Variants in DLG2 observed in about 807,000 individuals in gnomAD.
The protein encoded by DLG2 is discs large MAGUK scaffold protein 2.
In DLG2, 45 loss-of-function variants were observed where a neutral mutation model predicts 132.5. The observed-to-expected ratio is 0.34, with a 90% CI of 0.27 to 0.44. DLG2 has a LOEUF of 0.44. Among genes scored for constraint, DLG2 ranks in the 20% least tolerant of loss-of-function variants. The pLI is 1.00. For missense variants in DLG2, 1,045 were observed against 1,196.9 expected (o/e 0.87, Z 1.87); for synonymous variants, 424 against 419.6 (o/e 1.01, Z -0.13).
chr11:83,695,609 G>T (rs2081769302), intron 18 of DLG2, among the ~76,000 whole-genome samples: 1 of 152,072 alleles, frequency 6.6e-6, no homozygotes, highest in Admixed American at 6.5e-5. Context: ...CATGGTGGTG[G>T]GTGCCTGTAA....
chr11:84,614,203 A>G (rs1411531163), intron 6 of DLG2, among the ~76,000 whole-genome samples: 1 of 152,212 alleles, frequency 6.6e-6, no homozygotes, highest in African/African-American at 2.4e-5. Flanking sequence ...GTAGAAGCAA[A>G]CTATAAACCA....
Position 83,459,781 on chromosome 11 carries a change from A to G in DLG2, c.*37T>C. The G allele has an allele frequency of 1.8e-6, 2 of 1,113,438 alleles. No homozygotes were observed. Among genetic ancestry groups the G allele is most frequent in the South Asian group, 2.5e-5 (2 of 80,470 alleles). The allele number at this position is 1,113,438 out of a possible 1,614,324, so 69.0% of individuals were successfully genotyped here. On this transcript the variant is annotated 3_prime_UTR_variant, in exon 28 of 28. Coordinates refer to ENST00000376104, the MANE Select transcript of DLG2 (RefSeq NM_001142699.3). ...TGTTATATATATTTTGTTCTTCTAAATGCTCTTCTGTCGTTGTCAGAGGCG... is the reference window on the plus strand; with the variant it reads ...TGTTATATATATTTTGTTCTTCTAAGTGCTCTTCTGTCGTTGTCAGAGGCG...
intron 18 of DLG2, among the ~76,000 whole-genome samples, chr11:83,711,932 C>T (rs633338): frequency 0.42 from 63,435 of 151,908 alleles, 14,221 homozygotes; most frequent in African/African-American, 0.58. Flanking sequence ...AAAACCACAA[C>T]GAGATACTAT....
rs369214956 is a variant in DLG2, at chr11:85,179,546, T to C, written c.187-24895A>G. Among the ~76,000 whole-genome samples, 4 of 151,726 alleles carry C rather than the reference T, an allele frequency of 2.6e-5. No individual in the cohort carries two copies. The East Asian group carries it at 7.7e-4, about 29-fold the overall frequency. On this transcript the variant is annotated intron_variant, in intron 4 of 27. Transcript: ENST00000376104. ...AGAATAATATATAGATTATTATGTA[T>C]GCCAAAAAGATAACCAATTAAAGAA... is the stretch of plus-strand genomic sequence containing the variant.
chr11:84,601,659 C>T (rs2099576759), intron 6 of DLG2, among the ~76,000 whole-genome samples: 1 of 151,944 alleles, frequency 6.6e-6, no homozygotes, highest in Non-Finnish European at 1.5e-5. Flanking sequence ...AAAATAATTA[C>T]ACGTGATGAT....
chr11:84,644,824 T>C (rs1399013472), intron 6 of DLG2, among the ~76,000 whole-genome samples: 2 of 152,080 alleles, frequency 1.3e-5, no homozygotes, highest in East Asian at 3.9e-4. Flanking sequence ...ATGAGGGTTC[T>C]GTGGGTGCCT....
At chr11:85,593,143 A>C (rs1023840015) in intron 3 of DLG2, among the ~76,000 whole-genome samples, 2 of 152,306 alleles carry the variant, frequency 1.3e-5, no homozygotes, top group Admixed American at 1.3e-4. Flanking sequence ...CAAAGTACTC[A>C]AGATATGTCC....
In DLG2 at chr11:83,532,742, A is replaced by G; in HGVS notation, c.2159T>C (p.Phe720Ser). 6.2e-7 allele frequency: 1 copy of G among 1,613,022 alleles called. No individual in the cohort carries two copies. Among genetic ancestry groups the G allele is most frequent in the Non-Finnish European group, 8.5e-7 (1 of 1,179,374 alleles). The change falls in exon 21 of 28, where the codon TTT becomes TCT. Residue 720 changes from phenylalanine to serine, a missense_variant. Physicochemically the swap from Phe to Ser is radical, Grantham distance 155. Coordinates refer to ENST00000376104, the MANE Select transcript of DLG2 (RefSeq NM_001142699.3). ...KERARLKTVK[F>S]NAKPGVIDSK... ...ATCAATCACTCCAGGTTTGGCATTA[A>G]ACTTCACTGTCTTCAATCGGGCACG...
At chr11:83,867,578 A>G (rs757613063) in intron 16 of DLG2, among the ~76,000 whole-genome samples, 1 of 152,146 alleles carries the variant, frequency 6.6e-6, no homozygotes, top group Non-Finnish European at 1.5e-5. Flanking sequence ...ACAAGTATTT[A>G]CCTAGAAAAT....
intron 3 of DLG2, among the ~76,000 whole-genome samples, chr11:85,340,965 T>A (rs907635048): frequency 6.6e-6 from 1 of 152,236 alleles, no homozygotes; most frequent in African/African-American, 2.4e-5. Flanking sequence ...TCTAATTTTA[T>A]CTTTTTCAAA....
chr11:84,256,259 T>C lies in DLG2; in HGVS notation c.520-4968A>G, dbSNP rs1415967509. Among the ~76,000 whole-genome samples the C allele has an allele frequency of 2.6e-5, 4 of 152,286 alleles. No individual in the cohort carries two copies. The East Asian group carries it at 7.7e-4, about 29-fold the overall frequency. ...TTTGATATGTGTTAAGTGTCAGATA[T>C]GGGAAATGCCTCTGACATATGTGGA... On this transcript the variant is annotated intron_variant, in intron 7 of 27. Coordinates refer to ENST00000376104, the MANE Select transcript of DLG2 (RefSeq NM_001142699.3).
intron 6 of DLG2, among the ~76,000 whole-genome samples, chr11:85,093,427 G>A (rs2069170089): frequency 6.6e-6 from 1 of 151,974 alleles, no homozygotes; most frequent in Non-Finnish European, 1.5e-5. Flanking sequence ...AATCTCCTCT[G>A]GAAATATCCT....
intron 11 of DLG2, among the ~76,000 whole-genome samples, chr11:84,030,177 T>G (rs908292381): frequency 9.2e-5 from 14 of 152,140 alleles, no homozygotes; most frequent in African/African-American, 3.4e-4. Context: ...TAACTTAACT[T>G]TTCTGGGACC....
At chr11:85,509,125 C>T (rs1173601556) in intron 3 of DLG2, among the ~76,000 whole-genome samples, 2 of 151,970 alleles carry the variant, frequency 1.3e-5, no homozygotes, top group African/African-American at 4.8e-5. Context: ...CAGAAAATTT[C>T]GCAGTGAGTT....
At chr11:84,155,198 C>T (rs1275176939) in intron 9 of DLG2, among the ~76,000 whole-genome samples, 4 of 152,052 alleles carry the variant, frequency 2.6e-5, no homozygotes, top group Non-Finnish European at 5.9e-5. Flanking sequence ...AGGGTTGAGG[C>T]TCTTCATTTG....
intron 3 of DLG2, among the ~76,000 whole-genome samples, chr11:85,486,996 C>T (rs1279661229): frequency 1.4e-5 from 2 of 146,428 alleles, no homozygotes; most frequent in Admixed American, 6.8e-5. Flanking sequence ...TAATCATACC[C>T]TAAACCACCG....
intron 19 of DLG2, among the ~76,000 whole-genome samples, chr11:83,625,859 G>A (rs987251458): frequency 6.6e-6 from 1 of 152,178 alleles, no homozygotes; most frequent in East Asian, 1.9e-4. Context: ...GCATCCTGAG[G>A]ATGCAACCAG....
At chr11:85,444,104 A>G (rs1433840368) in intron 3 of DLG2, among the ~76,000 whole-genome samples, 3 of 152,238 alleles carry the variant, frequency 2.0e-5, no homozygotes, top group Admixed American at 6.5e-5. Flanking sequence ...TCTATGTTCA[A>G]TAATTTTACT....
At chr11:84,991,377 C>T (rs964388485) in intron 6 of DLG2, among the ~76,000 whole-genome samples, 1 of 151,776 alleles carries the variant, frequency 6.6e-6, no homozygotes, top group Non-Finnish European at 1.5e-5. Context: ...AGCAGGGTGG[C>T]ACTCGCCTCT....
Sources: gnomAD v4.1 joint callset for allele counts (sites outside exome capture counted in the v4.1 genomes callset) on GRCh38, gnomAD v4.1.1 for gene constraint, MANE v1.5 for transcripts, NCBI Gene and HGNC (gene_info 2026-07-23, HGNC 2026-07-21) for gene names.